MYH16: variants seen among roughly 807,000 people sequenced by gnomAD.
MYH16 encodes the protein myosin heavy chain 16.
intron 18 of MYH16, among the ~76,000 whole-genome samples, chr7:99,270,632 A>G (rs1028554069): frequency 2.0e-5 from 3 of 150,940 alleles, no homozygotes; most frequent in Admixed American, 6.6e-5. Flanking sequence ...AAATTTTTTT[A>G]ATTAGCTGGA....
Position 99,291,309 on chromosome 7 carries a change from T to G in MYH16, n.3825-14T>G, listed in dbSNP as rs1354390708. 6 of 454,940 alleles carry G rather than the reference T, an allele frequency of 1.3e-5. No individual in the cohort carries two copies. Among genetic ancestry groups the G allele is most frequent in the South Asian group, 4.7e-5 (3 of 64,182 alleles). The allele number at this position is 454,940 out of a possible 1,614,324, so 28.2% of individuals were successfully genotyped here. On this transcript the variant is annotated splice_polypyrimidine_tract_variant and intron_variant and non_coding_transcript_variant, in intron 30 of 41. Coordinates refer to ENST00000439784, the Ensembl canonical transcript of MYH16. ...TTCTTCATCCAATATTTCTTCCATTTCCTTCTCACCCAGCTGAAAATAGTG... is the reference window on the plus strand; with the variant it reads ...TTCTTCATCCAATATTTCTTCCATTGCCTTCTCACCCAGCTGAAAATAGTG...
intron 9 of MYH16, among the ~76,000 whole-genome samples, chr7:99,256,619 C>CA (rs1407819061): frequency 2.0e-5 from 3 of 152,104 alleles, no homozygotes; most frequent in African/African-American, 7.2e-5. Context: ...ACTAAAAATA[C>CA]AAAAAATTAG....
At chr7:99,272,557 G>A (rs1234047476) in intron 19 of MYH16, among the ~76,000 whole-genome samples, 1 of 151,820 alleles carries the variant, frequency 6.6e-6, no homozygotes, top group Admixed American at 6.6e-5. Context: ...GGCAACAGGA[G>A]ATAGGGAGAC....
chr7:99,291,904 T>C (rs1171543343), intron 31 of MYH16, among the ~76,000 whole-genome samples: 1 of 151,842 alleles, frequency 6.6e-6, no homozygotes, highest in African/African-American at 2.4e-5. Context: ...GATCGCACCA[T>C]TGCACTCCAG....
At chr7:99,268,947 C>T (rs939360611) in intron 18 of MYH16, among the ~76,000 whole-genome samples, 1 of 152,134 alleles carries the variant, frequency 6.6e-6, no homozygotes, top group Non-Finnish European at 1.5e-5. Context: ...CCCAGGGGCC[C>T]TGCAGGCAGC....
chr7:99,274,818 C>T (rs1397691939), intron 20 of MYH16, among the ~76,000 whole-genome samples: 23 of 151,802 alleles, frequency 1.5e-4, no homozygotes, highest in Admixed American at 1.5e-3. Context: ...GGATTACATG[C>T]ATCTGCCACC....
At chr7:99,277,250 C>A (rs888646819) in intron 20 of MYH16, among the ~76,000 whole-genome samples, 2 of 152,048 alleles carry the variant, frequency 1.3e-5, no homozygotes, top group Non-Finnish European at 2.9e-5. Flanking sequence ...CTTGGGTCAC[C>A]CAGATGCCGA....
chr7:99,296,984 C>T, intron 34 of MYH16, 67 bp downstream of exon 15: 1 of 437,812 alleles, frequency 2.3e-6, no homozygotes, highest in Non-Finnish European at 4.6e-6. Flanking sequence ...TCCCCTTCAT[C>T]CTGAGCACAT....
intron 21 of MYH16, among the ~76,000 whole-genome samples, chr7:99,279,233 C>T (rs898359050): frequency 2.0e-5 from 3 of 151,728 alleles, no homozygotes; most frequent in African/African-American, 7.3e-5. Context: ...GCAGTGTGTA[C>T]CTGTAGCCTC....
chr7:99,241,493 G>A (rs893575227), intron 1 of MYH16, among the ~76,000 whole-genome samples: 4 of 152,212 alleles, frequency 2.6e-5, no homozygotes, highest in Admixed American at 2.0e-4. Flanking sequence ...TGAGGCAGGA[G>A]AATTGCCTGA....
intron 1 of MYH16, among the ~76,000 whole-genome samples, chr7:99,240,209 A>C (rs953023995): frequency 2.6e-5 from 4 of 152,090 alleles, no homozygotes; most frequent in African/African-American, 9.7e-5. Flanking sequence ...ACTGAGGATC[A>C]AGGGCACTTT....
chr7:99,279,537 GA>G (rs1792171586), exon 22 of MYH16: 1 of 456,524 alleles, frequency 2.2e-6, no homozygotes, highest in Non-Finnish European at 4.4e-6. Flanking sequence ...GGATGCAGAG[GA>G]GCGCCTGACA....
At chr7:99,256,275 CAAAAAAAAAAAAAA>C (rs55894638) in intron 9 of MYH16, among the ~76,000 whole-genome samples, 1 of 71,036 alleles carries the variant, frequency 1.4e-5, no homozygotes, top group Admixed American at 2.0e-4. Flanking sequence ...CCCGTCTCTG[CAAAAAAAAAAAAAA>C]AAAAAAAAAA....
chr7:99,292,670 G>A (rs750524947), intron 32 of MYH16, among the ~76,000 whole-genome samples, 162 bp downstream of exon 13: 13 of 152,208 alleles, frequency 8.5e-5, no homozygotes, highest in African/African-American at 2.9e-4. Context: ...AAAGGAGCCT[G>A]CTCTGTGGGC....
At chr7:99,297,430 C>T (rs1345327024) in intron 34 of MYH16, among the ~76,000 whole-genome samples, 3 of 151,856 alleles carry the variant, frequency 2.0e-5, no homozygotes, top group Non-Finnish European at 4.4e-5. Context: ...AACACTATGT[C>T]CCAAAAATAA....
At position 99,248,571 on chromosome 7, in the gene MYH16, T is replaced by C. The variant is rs149504415; in HGVS notation, n.512-420T>C. Among the ~76,000 whole-genome samples, 640 of 152,296 alleles carry C rather than the reference T, an allele frequency of 4.2e-3. 4 individuals are homozygous for C. The highest frequency in any genetic ancestry group is 0.015 in the African/African-American group (604 of 41,570). On this transcript the variant is annotated intron_variant and non_coding_transcript_variant, in intron 3 of 41. Coordinates refer to ENST00000439784, the Ensembl canonical transcript of MYH16. ...TCACTATGCCCAGCTAATTTCTTAA[T>C]GTTTTGTGGAGACAGGGTTTCACCA... is the stretch of plus-strand genomic sequence containing the variant.
chr7:99,302,881 T>TAA (rs1219533053), intron 38 of MYH16, among the ~76,000 whole-genome samples, 184 bp from the exon 20 acceptor site: 4 of 105,378 alleles, frequency 3.8e-5, no homozygotes, highest in Non-Finnish European at 4.0e-5. Context: ...AGATCCTGCC[T>TAA]AAAAAAAAAA....
intron 23 of MYH16, among the ~76,000 whole-genome samples, chr7:99,281,560 AAAAC>A (rs543626068): frequency 6.6e-5 from 10 of 152,312 alleles, no homozygotes; most frequent in Admixed American, 2.6e-4. Flanking sequence ...ACCCTGTCTC[AAAAC>A]AAACAAACAA....
exon 27 of MYH16, chr7:99,285,390 T>C (rs1416360432): frequency 2.2e-6 from 1 of 456,564 alleles, no homozygotes; most frequent in African/African-American, 2.0e-5. Context: ...AGGACCGAAT[T>C]GAAGAGCTGG....
Sources: allele counts gnomAD v4.1 joint callset (sites outside exome capture counted in the v4.1 genomes callset), GRCh38; gene constraint gnomAD v4.1.1; transcripts MANE v1.5; gene names NCBI Gene and HGNC (gene_info 2026-07-23, HGNC 2026-07-21).